The following LAMA1 variants were observed in gnomAD, a reference collection of about 807,000 sequenced individuals.
The protein encoded by LAMA1 is laminin subunit alpha 1, also known as laminin subunit alpha-1.
In LAMA1, 219 loss-of-function variants were observed where a neutral mutation model predicts 348.7. The observed-to-expected ratio is 0.63, with a 90% confidence interval of 0.56 to 0.70. LAMA1 has a LOEUF of 0.70. Ranked by LOEUF, LAMA1 falls within the 30% of genes least tolerant of loss-of-function variation. The probability of loss-of-function intolerance (pLI) is 0.00; values close to 1 mark genes in which losing one functional copy is unlikely to be tolerated. For missense variants in LAMA1, 3,744 were observed against 3,888.0 expected (o/e 0.96, Z 0.99); for synonymous variants, 1,487 against 1,491.0 (o/e 1.00, Z 0.06).
intron 51 of LAMA1, among the ~76,000 whole-genome samples, chr18:6,963,255 C>G (rs1325636770): frequency 6.6e-6 from 1 of 152,164 alleles, no homozygotes; most frequent in Admixed American, 6.5e-5. Flanking sequence ...GTTGTCTACA[C>G]TGGGCCGTCT....
Position 7,015,721 on chromosome 18 carries a change from C to A in LAMA1, c.3126+1G>T, listed in dbSNP as rs1487584972. 6.2e-7 allele frequency: 1 copy of A among 1,613,662 alleles called. No homozygotes were observed. The highest frequency in any genetic ancestry group is 8.5e-7 in the Non-Finnish European group (1 of 1,180,010). ...GCAAGAGCGTGGATGACAGTGCTCACCTGGCACCCCACCTCCGCATCGTAG... is the reference window on the plus strand; with the variant it reads ...GCAAGAGCGTGGATGACAGTGCTCAACTGGCACCCCACCTCCGCATCGTAG... On this transcript the variant is annotated splice_donor_variant, in intron 22 of 62. Coordinates refer to ENST00000389658, the MANE Select transcript of LAMA1 (RefSeq NM_005559.4). LOFTEE classifies it high-confidence loss of function.
At chr18:7,034,443 T>C in intron 14 of LAMA1, 36 bp downstream of exon 14, 1 of 1,477,648 alleles carries the variant, frequency 6.8e-7, no homozygotes, top group Non-Finnish European at 9.5e-7. Flanking sequence ...TGGAAGTACC[T>C]TCACCGTAAG....
intron 17 of LAMA1, among the ~76,000 whole-genome samples, chr18:7,025,552 GT>G (rs150692272): frequency 0.042 from 6,462 of 152,232 alleles, 389 homozygotes; most frequent in African/African-American, 0.14. Flanking sequence ...ATAAATATCT[GT>G]TGAATCAATG....
Position 7,080,076 on chromosome 18 carries a change from T to C in LAMA1, c.244A>G (p.Ile82Val). 2 of 1,612,322 alleles carry C rather than the reference T, an allele frequency of 1.2e-6. No individual in the cohort carries two copies. Among genetic ancestry groups the C allele is most frequent in the South Asian group, 1.1e-5 (1 of 91,034 alleles). ...TTGGTGCCATCTATGGCATGTGATA[T>C]TGGATGGCGTTCTGTTGAAAGAAAA... ...NSANPRERHP[I>V]SHAIDGTNNW... Residue 82 changes from isoleucine to valine, a missense_variant, in exon 3 of 63, where the codon ATA becomes GTA. Ile to Val is a conservative substitution (Grantham distance 29, BLOSUM62 3). Coordinates refer to ENST00000389658, the MANE Select transcript of LAMA1 (RefSeq NM_005559.4).
intron 1 of LAMA1, among the ~76,000 whole-genome samples, chr18:7,085,142 A>T (rs1264862000): frequency 6.6e-6 from 1 of 152,110 alleles, no homozygotes; most frequent in Admixed American, 6.6e-5. Context: ...TAGCTACAGG[A>T]TCTGAGGCAA....
chr18:6,976,837 CG>C (rs2057684954), intron 44 of LAMA1, among the ~76,000 whole-genome samples: 1 of 151,944 alleles, frequency 6.6e-6, no homozygotes, highest in Non-Finnish European at 1.5e-5. Flanking sequence ...CTCAAACTCC[CG>C]GCCTCAAGCA....
rs764817985 is a variant in LAMA1 at position 6,942,175 on chromosome 18, A to C, written c.9132T>G (p.Ala3044=). ...TSFRGCLRKL[A]LIKSPQVQSF... ...ACTGCACCTGCGGGCTCTTAATCAG[A>C]GCTAGCTTCCTCAAACACCCGCGGA... Residue 3044 remains alanine, a synonymous_variant, in exon 63 of 63, where the codon GCT becomes GCG. Transcript: ENST00000389658. 4 of 1,614,160 alleles carry C rather than the reference A, an allele frequency of 2.5e-6. No homozygotes were observed. Among genetic ancestry groups the C allele is most frequent in the East Asian group, 4.5e-5 (2 of 44,866 alleles).
At chr18:7,010,104 G>T in intron 26 of LAMA1, 96 bp downstream of exon 26, 2 of 1,417,808 alleles carry the variant, frequency 1.4e-6, no homozygotes, top group Non-Finnish European at 2.0e-6. Context: ...ACCGTACCTG[G>T]CTGCTCATTC....
intron 61 of LAMA1, among the ~76,000 whole-genome samples, chr18:6,945,671 CA>C (rs1273509395): frequency 6.6e-6 from 1 of 152,094 alleles, no homozygotes; most frequent in African/African-American, 2.4e-5. Context: ...CAGAAATCCC[CA>C]AGTTTGCACA....
At chr18:6,978,145 A>G (rs948449211) in intron 43 of LAMA1, 51 bp downstream of exon 43, 2 of 1,600,492 alleles carry the variant, frequency 1.2e-6, no homozygotes, top group African/African-American at 2.7e-5. Context: ...AGCTAGCTCC[A>G]CGTCTGCATG....
Position 6,956,628 on chromosome 18 carries a change from G to C in LAMA1, c.8094+8C>G, listed in dbSNP as rs538698552. On this transcript the variant is annotated splice_region_variant and intron_variant, in intron 56 of 62. Coordinates refer to ENST00000389658, the MANE Select transcript of LAMA1 (RefSeq NM_005559.4). ...GACCTGACTGATAGTAAAGGAAGCC[G>C]CTCCTACTGGAAAAGCCCGGGGCTC... is the stretch of plus-strand genomic sequence containing the variant. 6.2e-7 allele frequency: 1 copy of C among 1,613,924 alleles called. No homozygotes were observed. The highest frequency in any genetic ancestry group is 1.3e-5 in the African/African-American group (1 of 75,022).
chr18:6,978,559 GCTTCTTGTTTC>G (rs1202851018), intron 42 of LAMA1, among the ~76,000 whole-genome samples, 181 bp from the exon 43 acceptor site: 2 of 152,080 alleles, frequency 1.3e-5, no homozygotes, highest in African/African-American at 4.8e-5. Flanking sequence ...TGAACTAAGA[GCTTCTTGTTTC>G]TAATGGCAAT....
In LAMA1 at chr18:7,007,195, G is replaced by A. The variant is rs202133880; in HGVS notation, c.4204C>T (p.Pro1402Ser). The change falls in exon 29 of 63, where the codon CCC (proline) becomes TCC (serine). Residue 1402 changes from proline (P) to serine (S), a missense_variant. Coordinates refer to ENST00000389658, the MANE Select transcript of LAMA1 (RefSeq NM_005559.4). Reference sequence around the variant, plus strand: ...TCACTGTGGTTGTTGCAACTGCAGGGAACACAAGGAGCAACCAGAGGGCGT... The same window carrying A: ...TCACTGTGGTTGTTGCAACTGCAGGAAACACAAGGAGCAACCAGAGGGCGT... ...GPRPLVAPCV[P>S]CSCNNHSDTC... 389 of 1,614,136 alleles carry A rather than the reference G, an allele frequency of 2.4e-4. No homozygotes were observed. The highest frequency in any genetic ancestry group is 6.8e-4 in the Admixed American group (41 of 60,018).
chr18:6,942,300 A>G (rs2057502255), intron 62 of LAMA1, 61 bp from the exon 63 acceptor site: 4 of 1,549,050 alleles, frequency 2.6e-6, no homozygotes, highest in Non-Finnish European at 3.5e-6. Context: ...GATCCATAGC[A>G]CAAAAGCAAC....
intron 1 of LAMA1, among the ~76,000 whole-genome samples, chr18:7,108,439 T>C (rs955436754): frequency 2.0e-5 from 3 of 151,846 alleles, no homozygotes; most frequent in African/African-American, 4.8e-5. Flanking sequence ...GGCAGGCAGA[T>C]CACTTGAGGT....
intron 3 of LAMA1, among the ~76,000 whole-genome samples, chr18:7,075,767 G>A (rs988453142): frequency 4.0e-5 from 6 of 151,882 alleles, no homozygotes; most frequent in African/African-American, 4.8e-5. Flanking sequence ...ATGAAACCAC[G>A]TCTCTACTAA....
At chr18:6,988,808 T>TTAAA (rs1479245320) in intron 36 of LAMA1, among the ~76,000 whole-genome samples, 9 of 100,476 alleles carry the variant, frequency 9.0e-5, no homozygotes, top group Non-Finnish European at 1.5e-4. Flanking sequence ...TCCGTCTCAA[T>TTAAA]AAAAAAAAAA....
intron 3 of LAMA1, among the ~76,000 whole-genome samples, chr18:7,078,493 G>C (rs1227378891): frequency 6.6e-6 from 1 of 151,926 alleles, no homozygotes; most frequent in Non-Finnish European, 1.5e-5. Context: ...AAGGGGATTT[G>C]AAAATATTAA....
Position 7,038,813 on chromosome 18 carries a change from A to C in LAMA1, c.1560T>G (p.Gly520=), listed in dbSNP as rs2058007779. 6.2e-7 allele frequency: 1 copy of C among 1,614,022 alleles called. No individual in the cohort carries two copies. The highest frequency in any genetic ancestry group is 1.7e-5 in the Admixed American group (1 of 60,006). ...DVCSSLSWPV[G]QVNSMSGWLV... ...CCGCGCAGATGGCGCCTCCCACCTGACCAACAGGCCAAGAGAGGCTGCTGC... is the reference window on the plus strand; with the variant it reads ...CCGCGCAGATGGCGCCTCCCACCTGCCCAACAGGCCAAGAGAGGCTGCTGC... Residue 520 remains glycine, a synonymous_variant, in exon 11 of 63, where the codon GGT becomes GGG. Coordinates refer to ENST00000389658, the MANE Select transcript of LAMA1 (RefSeq NM_005559.4).
Sources: allele counts gnomAD v4.1 joint callset (sites outside exome capture counted in the v4.1 genomes callset), GRCh38; gene constraint gnomAD v4.1.1; transcripts MANE v1.5; gene names NCBI Gene and HGNC (gene_info 2026-07-23, HGNC 2026-07-21).